Variants in PKP4 observed in about 807,000 individuals in gnomAD.
The protein encoded by PKP4 is plakophilin 4.
PKP4 carries 90 observed loss-of-function variants against 145.1 expected under a neutral mutation model. The ratio of observed to expected loss-of-function variants is 0.62; its 90% CI spans 0.52 to 0.74. PKP4 has a LOEUF of 0.74. Among genes scored for constraint, PKP4 ranks in the 30% least tolerant of loss-of-function variants. PKP4 has a pLI of 0.00. For missense variants in PKP4, 1,340 were observed against 1,482.7 expected, an observed-to-expected ratio of 0.90 and a Z score of 1.58; for synonymous variants, 563 against 577.2, an observed-to-expected ratio of 0.98 and a Z score of 0.35.
At chr2:158,487,598 A>G (rs899292671) in intron 1 of PKP4, among the ~76,000 whole-genome samples, 6 of 152,228 alleles carry the variant, frequency 3.9e-5, no homozygotes, top group Non-Finnish European at 8.8e-5. Flanking sequence ...TTATATAATT[A>G]TTCAAGTTAA....
At chr2:158,493,103 A>G (rs980751295) in intron 1 of PKP4, among the ~76,000 whole-genome samples, 4 of 151,890 alleles carry the variant, frequency 2.6e-5, no homozygotes, top group Non-Finnish European at 5.9e-5. Flanking sequence ...TACTTTGTCT[A>G]TTTCTTCTGA....
chr2:158,464,836 G>A (rs1400861983), intron 1 of PKP4, among the ~76,000 whole-genome samples: 3 of 152,236 alleles, frequency 2.0e-5, no homozygotes, highest in Admixed American at 6.5e-5. Context: ...ACCACTAGGG[G>A]TGCAAGTGAG....
At chr2:158,597,106 C>T (rs1203544594) in intron 3 of PKP4, among the ~76,000 whole-genome samples, 1 of 152,146 alleles carries the variant, frequency 6.6e-6, no homozygotes, top group East Asian at 1.9e-4. Flanking sequence ...CATCAGAGTC[C>T]TCTCTTGTAG....
At position 158,663,448 on chromosome 2, in the gene PKP4, A is replaced by G; in HGVS notation, c.2577+3A>G. 2 of 1,609,660 alleles carry G rather than the reference A, an allele frequency of 1.2e-6. No individual in the cohort carries two copies. Among genetic ancestry groups the G allele is most frequent in the Non-Finnish European group, 1.7e-6 (2 of 1,177,736 alleles). On this transcript the variant is annotated splice_donor_region_variant and intron_variant, in intron 15 of 21. Transcript: ENST00000389759. ...ACCTCTCTGCTGGCAACTGGAAGGT[A>G]GGATGACTTCCACTTATCTACACTT...
chr2:158,648,489 G>C (rs971598426), intron 11 of PKP4, among the ~76,000 whole-genome samples: 3 of 152,136 alleles, frequency 2.0e-5, no homozygotes, highest in African/African-American at 7.2e-5. Flanking sequence ...ATTACTTGCC[G>C]TTACAGGATG....
intron 2 of PKP4, among the ~76,000 whole-genome samples, chr2:158,569,831 A>G (rs887490757): frequency 6.6e-6 from 1 of 152,174 alleles, no homozygotes; most frequent in African/African-American, 2.4e-5. Context: ...TTAATATGGT[A>G]GGGTTGCTGT....
chr2:158,523,181 CACAG>C (rs1210268330), intron 1 of PKP4, among the ~76,000 whole-genome samples: 3 of 148,786 alleles, frequency 2.0e-5, no homozygotes, highest in African/African-American at 7.3e-5. Flanking sequence ...GGGGGCAGGG[CACAG>C]ACAAACAAAA....
At position 158,669,922 on chromosome 2, in the gene PKP4, C is replaced by A; in HGVS notation, c.2924+7C>A. The A allele has an allele frequency of 6.2e-7, 1 of 1,604,206 alleles. No homozygotes were observed. The highest frequency in any genetic ancestry group is 1.1e-5 in the South Asian group (1 of 89,660). Reference sequence around the variant, plus strand: ...CCAAAGGCAGGGGCGACAGGCAAGTCTGCGGCAAGGAGGTGCAAGCAGTGC... The same window carrying A: ...CCAAAGGCAGGGGCGACAGGCAAGTATGCGGCAAGGAGGTGCAAGCAGTGC... On this transcript the variant is annotated splice_region_variant and intron_variant, in intron 17 of 21. Transcript: ENST00000389759.
At chr2:158,598,477 T>C (rs2049955996) in intron 3 of PKP4, among the ~76,000 whole-genome samples, 1 of 152,158 alleles carries the variant, frequency 6.6e-6, no homozygotes, top group African/African-American at 2.4e-5. Context: ...TTAAAAATAT[T>C]CCTGTTATTG....
chr2:158,553,397 C>T (rs1055730300), intron 2 of PKP4, among the ~76,000 whole-genome samples: 3 of 152,120 alleles, frequency 2.0e-5, no homozygotes, highest in African/African-American at 7.2e-5. Flanking sequence ...GTGGATGACC[C>T]ACTTGTTTAA....
intron 4 of PKP4, among the ~76,000 whole-genome samples, chr2:158,616,829 G>A (rs191644121): frequency 7.2e-5 from 11 of 152,198 alleles, no homozygotes; most frequent in Admixed American, 2.6e-4. Flanking sequence ...ACCCTGTTTC[G>A]TACAGCAAGA....
At chr2:158,579,982 A>C (rs1445490687) in intron 3 of PKP4, among the ~76,000 whole-genome samples, 3 of 152,144 alleles carry the variant, frequency 2.0e-5, no homozygotes, top group Admixed American at 6.5e-5. Flanking sequence ...CCAATTTAAG[A>C]TAGTGGAACC....
chr2:158,545,974 A>G (rs2045002165), intron 2 of PKP4, among the ~76,000 whole-genome samples: 1 of 152,174 alleles, frequency 6.6e-6, no homozygotes, highest in South Asian at 2.1e-4. Flanking sequence ...GCTGGTTTGA[A>G]TCTTGAAGAA....
In PKP4 at chr2:158,676,757, C is replaced by G; in HGVS notation, c.3146C>G (p.Ser1049Ter). 6.2e-7 allele frequency: 1 copy of G among 1,614,118 alleles called. No individual in the cohort carries two copies. The highest frequency in any genetic ancestry group is 1.1e-5 in the South Asian group (1 of 91,080). ...IIQSVGSTSS[S>*]PALLGIRDPR... ...CCTTCAGTCGGCAGCACCTCTTCCTCACCAGCACTGTTAGGAATCAGAGAC... is the reference window on the plus strand; with the variant it reads ...CCTTCAGTCGGCAGCACCTCTTCCTGACCAGCACTGTTAGGAATCAGAGAC... The change falls in exon 20 of 22, where the codon TCA becomes TGA. Residue 1049 changes from serine (S) to a stop codon, truncating the protein, a stop_gained. Transcript: ENST00000389759. LOFTEE classifies it high-confidence loss of function.
At chr2:158,666,169 A>C (rs1318820796) in intron 15 of PKP4, 6 of 294,782 alleles carry the variant, frequency 2.0e-5, no homozygotes, top group Non-Finnish European at 3.8e-5. Context: ...CTGCACAAAA[A>C]TATCTGGCAG....
intron 3 of PKP4, among the ~76,000 whole-genome samples, chr2:158,581,359 C>G (rs11690760): frequency 0.2 from 30,101 of 152,144 alleles, 3,825 homozygotes; most frequent in Middle Eastern, 0.36. Flanking sequence ...ACCTTTCATA[C>G]TGTTTGATTT....
At chr2:158,479,338 C>G (rs902435754) in intron 1 of PKP4, among the ~76,000 whole-genome samples, 1 of 152,174 alleles carries the variant, frequency 6.6e-6, no homozygotes, top group African/African-American at 2.4e-5. Flanking sequence ...ATGCTTCCAC[C>G]TAAGCCTCTC....
chr2:158,469,370 G>A (rs1276602475), intron 1 of PKP4, among the ~76,000 whole-genome samples: 2 of 152,164 alleles, frequency 1.3e-5, no homozygotes, highest in Middle Eastern at 3.4e-3. Context: ...GATTACAGGC[G>A]TGAACCACCA....
intron 2 of PKP4, among the ~76,000 whole-genome samples, chr2:158,544,214 G>A (rs1434692811): frequency 6.6e-6 from 1 of 152,142 alleles, no homozygotes; most frequent in South Asian, 2.1e-4. Context: ...CCAAGCCTCA[G>A]TCTGCCTGTT....
Sources: allele counts gnomAD v4.1 joint callset (sites outside exome capture counted in the v4.1 genomes callset), GRCh38; gene constraint gnomAD v4.1.1; transcripts MANE v1.5; gene names NCBI Gene and HGNC (gene_info 2026-07-23, HGNC 2026-07-21).